The following CTNND2 variants were observed in gnomAD, a reference collection of about 807,000 sequenced individuals.
The protein encoded by CTNND2 is catenin delta-2.
In CTNND2, 22 loss-of-function variants were observed where a neutral mutation model predicts 144.4. That is an observed-to-expected ratio of 0.15 (90% CI 0.11 to 0.22). The LOEUF (loss-of-function observed/expected upper bound fraction) is 0.22. Ranked by LOEUF, CTNND2 falls within the 10% of genes least tolerant of loss-of-function variation. The pLI, the probability that CTNND2 is intolerant of heterozygous loss-of-function variation, is 1.00. For synonymous variants in CTNND2, 751 were observed against 695.6 expected (o/e 1.08, Z -1.25); for missense variants, 1,353 against 1,618.8 (o/e 0.84, Z 2.82).
intron 16 of CTNND2, among the ~76,000 whole-genome samples, chr5:11,054,426 T>C (rs960589498): frequency 1.3e-5 from 2 of 152,086 alleles, no homozygotes; most frequent in African/African-American, 4.8e-5. Flanking sequence ...ATAAAAGGTA[T>C]GCAAGAGGAA....
intron 2 of CTNND2, among the ~76,000 whole-genome samples, chr5:11,635,847 C>A (rs1781666403): frequency 6.6e-6 from 1 of 152,036 alleles, no homozygotes; most frequent in Non-Finnish European, 1.5e-5. Context: ...CAGATCAGCT[C>A]CCACCCCTAC....
intron 1 of CTNND2, among the ~76,000 whole-genome samples, chr5:11,737,945 A>G (rs1306658708): frequency 6.6e-6 from 1 of 152,194 alleles, no homozygotes; most frequent in East Asian, 1.9e-4. Flanking sequence ...GAGAAAATAA[A>G]TTTCTGTTAT....
At chr5:11,830,420 G>GAAAA (rs1793834791) in intron 1 of CTNND2, among the ~76,000 whole-genome samples, 1 of 152,110 alleles carries the variant, frequency 6.6e-6, no homozygotes, top group Non-Finnish European at 1.5e-5. Context: ...TCTTTCCCGT[G>GAAAA]CTGTTTTCAG....
chr5:11,406,312 T>C (rs13154922), intron 5 of CTNND2, among the ~76,000 whole-genome samples: 3,546 of 152,312 alleles, frequency 0.023, 70 homozygotes, highest in Non-Finnish European at 0.038. Flanking sequence ...AGGAAGGTTT[T>C]CTATCCTGTT....
chr5:11,107,427 C>T (rs1276221462), intron 14 of CTNND2, among the ~76,000 whole-genome samples: 1 of 152,120 alleles, frequency 6.6e-6, no homozygotes, highest in African/African-American at 2.4e-5. Context: ...GGGTCAAGAG[C>T]ATCCGAATGA....
chr5:11,055,981 G>A (rs1170558414), intron 16 of CTNND2, among the ~76,000 whole-genome samples: 1 of 152,162 alleles, frequency 6.6e-6, no homozygotes, highest in Non-Finnish European at 1.5e-5. Context: ...CATGGTCACG[G>A]CACACATGGT....
At chr5:11,111,510 T>C (rs1038680352) in intron 13 of CTNND2, among the ~76,000 whole-genome samples, 4 of 152,158 alleles carry the variant, frequency 2.6e-5, no homozygotes, top group African/African-American at 9.7e-5. Flanking sequence ...AGGCTACAGG[T>C]GCAAACCAGG....
chr5:11,172,093 C>T (rs986754604), intron 11 of CTNND2, among the ~76,000 whole-genome samples: 2 of 152,202 alleles, frequency 1.3e-5, no homozygotes, highest in African/African-American at 4.8e-5. Context: ...TAATATTTCT[C>T]ATGTGATCCA....
chr5:11,578,876 C>T (rs1778189507), intron 2 of CTNND2, among the ~76,000 whole-genome samples: 1 of 152,072 alleles, frequency 6.6e-6, no homozygotes, highest in South Asian at 2.1e-4. Flanking sequence ...CATGTCAACG[C>T]TTTTGTTTCA....
At chr5:11,022,028 C>G (rs902070960) in intron 17 of CTNND2, among the ~76,000 whole-genome samples, 1 of 152,110 alleles carries the variant, frequency 6.6e-6, no homozygotes, top group Non-Finnish European at 1.5e-5. Flanking sequence ...TAGTAAGATA[C>G]TGTTGGTTCT....
intron 10 of CTNND2, among the ~76,000 whole-genome samples, chr5:11,233,817 C>T (rs1741318471): frequency 6.6e-6 from 1 of 152,050 alleles, no homozygotes; most frequent in Non-Finnish European, 1.5e-5. Context: ...ACTCTGGAAG[C>T]TTCCTCTGTG....
Position 10,973,531 on chromosome 5 carries a change from G to A in CTNND2, c.3600C>T (p.Phe1200=). Residue 1200 remains phenylalanine, a synonymous_variant, in exon 22 of 22, where the codon TTC becomes TTT. Transcript: ENST00000304623. The surrounding 1 kb of genome is among the most constrained non-coding windows in gnomAD (Gnocchi z 5.6). ...GLKSTGNYVD[F]YSAARPYSEL... ...CACTGTAGGGACGGGCAGCTGAGTA[G>A]AAGTCAACGTAGTTGCCGGTGGACT... 6.2e-7 allele frequency: 1 copy of A among 1,613,986 alleles called. No homozygotes were observed.
At chr5:10,992,721 G>A (rs373330943) in intron 18 of CTNND2, 44 bp from the exon 19 acceptor site, 1 of 1,595,226 alleles carries the variant, frequency 6.3e-7, no homozygotes, top group African/African-American at 1.4e-5. Flanking sequence ...AAGACAGAGT[G>A]ATTTTTCACC....
At chr5:11,561,744 C>G (rs923238448) in intron 3 of CTNND2, among the ~76,000 whole-genome samples, 6 of 152,144 alleles carry the variant, frequency 3.9e-5, no homozygotes, top group Middle Eastern at 3.4e-3. Flanking sequence ...ATGTGACTAC[C>G]TGAAAAGAGA....
At chr5:11,428,254 T>C (rs1245289128) in intron 3 of CTNND2, among the ~76,000 whole-genome samples, 1 of 152,196 alleles carries the variant, frequency 6.6e-6, no homozygotes, top group Non-Finnish European at 1.5e-5. Flanking sequence ...TCAGTAGTTT[T>C]TTAATTAATT....
intron 16 of CTNND2, among the ~76,000 whole-genome samples, chr5:11,058,375 G>C (rs1326966541): frequency 2.6e-5 from 4 of 152,208 alleles, no homozygotes; most frequent in Non-Finnish European, 5.9e-5. Context: ...TGGCTTAAAG[G>C]GGCCAATGGA....
rs539827788 is a variant in CTNND2 at position 11,451,392 on chromosome 5, A to C, written c.288-39323T>G. On this transcript the variant is annotated intron_variant, in intron 3 of 21. Transcript: ENST00000304623. Reference sequence around the variant, plus strand: ...ACAATATAATTCTTCACCTCCAACTATGTGTGCCCAAAGACACAAATGTGC... The same window carrying C: ...ACAATATAATTCTTCACCTCCAACTCTGTGTGCCCAAAGACACAAATGTGC... Among the ~76,000 whole-genome samples the C allele has an allele frequency of 3.9e-5, 6 of 152,324 alleles. No homozygotes were observed. The South Asian group carries it at 1.2e-3, about 32-fold the overall frequency.
At chr5:11,165,285 C>T (rs1471610643) in intron 11 of CTNND2, among the ~76,000 whole-genome samples, 2 of 152,164 alleles carry the variant, frequency 1.3e-5, no homozygotes, top group Non-Finnish European at 2.9e-5. Flanking sequence ...AGGCTTATCT[C>T]TGGTGCTTCA....
intron 1 of CTNND2, among the ~76,000 whole-genome samples, chr5:11,735,916 G>A (rs1033300815): frequency 1.3e-5 from 2 of 152,154 alleles, no homozygotes; most frequent in African/African-American, 4.8e-5. Flanking sequence ...TGCTGAGAAA[G>A]GGGGACTCTT....
Sources: allele counts gnomAD v4.1 joint callset (sites outside exome capture counted in the v4.1 genomes callset), GRCh38; gene constraint gnomAD v4.1.1; non-coding constraint Gnocchi (gnomAD v3.1); transcripts MANE v1.5; gene names NCBI Gene and HGNC (gene_info 2026-07-23, HGNC 2026-07-21).